The following TENM3 variants were observed in gnomAD, a reference collection of about 807,000 sequenced individuals.
TENM3 encodes the protein teneurin transmembrane protein 3.
A neutral mutation model predicts 255.1 loss-of-function variants in TENM3; 63 were observed. The ratio of observed to expected loss-of-function variants is 0.25; its 90% CI spans 0.20 to 0.30. The LOEUF (loss-of-function observed/expected upper bound fraction) is 0.30, where lower values mean the gene tolerates loss of function less well. Among genes scored for constraint, TENM3 ranks in the 10% least tolerant of loss-of-function variants. The pLI is 1.00. For synonymous variants in TENM3, 1,306 were observed against 1,322.3 expected, an observed-to-expected ratio of 0.99 and a Z score of 0.27; for missense variants, 2,929 against 3,461.1, an observed-to-expected ratio of 0.85 and a Z score of 3.86.
chr4:181,547,968 C>T, the TENM3 span, among the ~76,000 whole-genome samples: 1 of 151,902 alleles, frequency 6.6e-6, no homozygotes, highest in African/African-American at 2.4e-5. Flanking sequence ...CGTCCCCCCA[C>T]CCCACAACAG....
intron 3 of TENM3, among the ~76,000 whole-genome samples, chr4:182,512,990 A>C (rs1230251596): frequency 1.3e-5 from 2 of 152,360 alleles, no homozygotes; most frequent in East Asian, 3.9e-4. Context: ...ATCCTTTTAG[A>C]AAACGTTTTG....
chr4:181,588,044 G>A, the TENM3 span, among the ~76,000 whole-genome samples: 4 of 152,138 alleles, frequency 2.6e-5, no homozygotes, highest in African/African-American at 7.2e-5. Flanking sequence ...TCTGCACCTG[G>A]TCACGGGAAA....
chr4:182,484,534 T>C (rs1234843805), intron 3 of TENM3, among the ~76,000 whole-genome samples: 2 of 152,218 alleles, frequency 1.3e-5, no homozygotes, highest in Non-Finnish European at 2.9e-5. Context: ...TTGGTTGATA[T>C]GAATTACCCT....
At chr4:181,747,442 C>T in the TENM3 span, among the ~76,000 whole-genome samples, 1 of 152,020 alleles carries the variant, frequency 6.6e-6, no homozygotes, top group Non-Finnish European at 1.5e-5. Context: ...CCTGTCTTCC[C>T]TAGTGGTAAC....
At chr4:182,736,723 A>G in intron 16 of TENM3, 85 bp from the exon 17 acceptor site, 1 of 1,239,054 alleles carries the variant, frequency 8.1e-7, no homozygotes, top group South Asian at 1.6e-5. Flanking sequence ...ATTCACAAAT[A>G]TAGTGAATAT....
the TENM3 span, among the ~76,000 whole-genome samples, chr4:181,923,556 G>T: frequency 1.3e-5 from 2 of 152,106 alleles, no homozygotes; most frequent in Non-Finnish European, 1.5e-5. Context: ...TTATTAAGTG[G>T]CTTATCAAAG....
At chr4:182,271,102 C>G (rs1043786362) in intron 1 of TENM3, among the ~76,000 whole-genome samples, 2 of 152,160 alleles carry the variant, frequency 1.3e-5, no homozygotes, top group Non-Finnish European at 2.9e-5. Flanking sequence ...AACTATAGTT[C>G]AGGACATAGA....
the TENM3 span, among the ~76,000 whole-genome samples, chr4:181,777,020 G>A: frequency 2.6e-5 from 4 of 151,514 alleles, no homozygotes. Flanking sequence ...CGATATCCAG[G>A]AGTGTTTACC....
At chr4:181,609,828 G>A in the TENM3 span, among the ~76,000 whole-genome samples, 4 of 152,112 alleles carry the variant, frequency 2.6e-5, no homozygotes, top group Non-Finnish European at 5.9e-5. Context: ...TGTATGAGGC[G>A]CTGCAATATT....
intron 3 of TENM3, among the ~76,000 whole-genome samples, chr4:182,446,751 C>T (rs907939215): frequency 2.6e-5 from 4 of 152,006 alleles, no homozygotes; most frequent in Non-Finnish European, 4.4e-5. Flanking sequence ...TGAGACATGC[C>T]GCCCAGCCTC....
the TENM3 span, among the ~76,000 whole-genome samples, chr4:181,798,847 C>A: frequency 8.5e-5 from 13 of 152,244 alleles, no homozygotes; most frequent in Admixed American, 7.8e-4. Context: ...TGTGAGTTAA[C>A]AAATGTAGTT....
the TENM3 span, among the ~76,000 whole-genome samples, chr4:182,001,002 CT>C: frequency 1.1e-4 from 15 of 130,454 alleles, 1 homozygote; most frequent in African/African-American, 2.8e-4. Context: ...GTTTTCTTTC[CT>C]TTTTTTTTTT....
intron 12 of TENM3, among the ~76,000 whole-genome samples, chr4:182,707,581 G>A: frequency 6.6e-6 from 1 of 152,166 alleles, no homozygotes. Flanking sequence ...AAGAATACAG[G>A]AGTAGTCATT....
At chr4:182,460,449 G>A (rs1007226786) in intron 3 of TENM3, among the ~76,000 whole-genome samples, 4 of 152,068 alleles carry the variant, frequency 2.6e-5, no homozygotes, top group Admixed American at 6.6e-5. Flanking sequence ...ATTTGGGGTG[G>A]CAAGCTGAAG....
intron 3 of TENM3, among the ~76,000 whole-genome samples, chr4:182,370,907 C>T (rs1766761259): frequency 6.6e-6 from 1 of 152,074 alleles, no homozygotes; most frequent in Non-Finnish European, 1.5e-5. Context: ...AAGGAAGCCT[C>T]GAGAGACAAA....
the TENM3 span, among the ~76,000 whole-genome samples, chr4:181,788,696 G>A: frequency 6.6e-6 from 1 of 152,252 alleles, no homozygotes; most frequent in Non-Finnish European, 1.5e-5. Flanking sequence ...TCGCTCGAGC[G>A]ATCTTCCTGC....
Position 182,741,391 on chromosome 4 carries a change from G to A in TENM3, c.3380-1779G>A, listed in dbSNP as rs140977081. On this transcript the variant is annotated intron_variant, in intron 18 of 27. Coordinates refer to ENST00000511685, the MANE Select transcript of TENM3 (RefSeq NM_001080477.4). ...AAGACATGAAGGAAGAAGAGAATAC[G>A]GAAACGTAGATGCTGACAGTTATTC... Among the ~76,000 whole-genome samples the A allele has an allele frequency of 3.3e-5, 5 of 152,270 alleles. No homozygotes were observed. In the East Asian group the frequency reaches 7.7e-4, roughly 24 times the overall value.
chr4:182,760,931 T>C (rs1030980046), intron 22 of TENM3, among the ~76,000 whole-genome samples: 13 of 152,174 alleles, frequency 8.5e-5, no homozygotes, highest in African/African-American at 1.9e-4. Context: ...CAAAACTGTA[T>C]ACCAAAAGCA....
At chr4:181,964,067 A>ATT in the TENM3 span, among the ~76,000 whole-genome samples, 5,844 of 138,908 alleles carry the variant, frequency 0.042, 389 homozygotes, top group African/African-American at 0.14. Context: ...TGACCTTCCG[A>ATT]TTTTTTTTTT....
Sources: allele counts gnomAD v4.1 joint callset (sites outside exome capture counted in the v4.1 genomes callset), GRCh38; gene constraint gnomAD v4.1.1; transcripts MANE v1.5; gene names NCBI Gene and HGNC (gene_info 2026-07-23, HGNC 2026-07-21).